SCD5: variants seen among roughly 807,000 people sequenced by gnomAD.
SCD5 encodes acyl-CoA-desaturase 4.
Under a neutral mutation model 30.4 loss-of-function variants are expected in SCD5, and 20 were observed. The ratio of observed to expected loss-of-function variants is 0.66; its 90% CI spans 0.46 to 0.96. The LOEUF is 0.96. SCD5 is among the 40% of genes least tolerant of loss of function. The probability of loss-of-function intolerance (pLI) is 0.00; values close to 1 mark genes in which losing one functional copy is unlikely to be tolerated. For synonymous variants in SCD5, 173 were observed against 176.4 expected (o/e 0.98, Z 0.16); for missense variants, 381 against 443.3 (o/e 0.86, Z 1.26).
chr4:82,697,065 G>T (rs1342924093), intron 2 of SCD5, among the ~76,000 whole-genome samples: 2 of 152,194 alleles, frequency 1.3e-5, no homozygotes, highest in Non-Finnish European at 2.9e-5. Context: ...AAGGTTGCGA[G>T]AAAATACATG....
chr4:82,663,754 A>T (rs904923094), intron 3 of SCD5, among the ~76,000 whole-genome samples: 2 of 152,196 alleles, frequency 1.3e-5, no homozygotes, highest in Admixed American at 1.3e-4. Context: ...AACTGAAGCA[A>T]AATTGTTTGT....
chr4:82,699,837 T>C (rs1442153745), intron 2 of SCD5, among the ~76,000 whole-genome samples: 1 of 151,924 alleles, frequency 6.6e-6, no homozygotes, highest in Non-Finnish European at 1.5e-5. Flanking sequence ...AATTTTTGTA[T>C]TTTTAGTAGA....
At chr4:82,732,767 A>G (rs185326323) in intron 1 of SCD5, among the ~76,000 whole-genome samples, 1 of 152,314 alleles carries the variant, frequency 6.6e-6, no homozygotes, top group African/African-American at 2.4e-5. Context: ...TCTGGGTACT[A>G]AAGACAGAAA....
chr4:82,640,126 C>T (rs1255459130), intron 3 of SCD5, among the ~76,000 whole-genome samples: 4 of 152,168 alleles, frequency 2.6e-5, no homozygotes, highest in African/African-American at 7.2e-5. Flanking sequence ...CCTGTGGAAT[C>T]GGCCTTCTCT....
At chr4:82,724,711 G>A (rs1720435973) in intron 1 of SCD5, among the ~76,000 whole-genome samples, 2 of 152,190 alleles carry the variant, frequency 1.3e-5, no homozygotes, top group African/African-American at 4.8e-5. Context: ...TGGAAGAACT[G>A]TTTTTAGGAC....
Position 82,681,779 on chromosome 4 carries a change from T to TA in SCD5, c.364-868dup, listed in dbSNP as rs912931322. On this transcript the variant is annotated intron_variant, in intron 2 of 4. Transcript: ENST00000319540. ...CACATGTACCTCTGAACTTAAAAGTTAAAAAAAATGAGGGAGAGATGTTCT... is the reference window on the plus strand; with the variant it reads ...CACATGTACCTCTGAACTTAAAAGTTAAAAAAAAATGAGGGAGAGATGTTCT... Among the ~76,000 whole-genome samples, 106 of 151,838 alleles carry TA rather than the reference T, an allele frequency of 7.0e-4. 1 individual carries two copies. The highest frequency in any genetic ancestry group is 3.4e-3 in the Middle Eastern group (1 of 294).
chr4:82,761,419 A>ATAAAGTG (rs1721362417), intron 1 of SCD5, among the ~76,000 whole-genome samples: 1 of 152,198 alleles, frequency 6.6e-6, no homozygotes, highest in African/African-American at 2.4e-5. Flanking sequence ...AGCAACTGAT[A>ATAAAGTG]GAGCCAGCTG....
intron 1 of SCD5, among the ~76,000 whole-genome samples, chr4:82,767,590 AC>A (rs1480297316): frequency 4.6e-5 from 7 of 152,170 alleles, no homozygotes; most frequent in Non-Finnish European, 8.8e-5. Flanking sequence ...AGAATGACAA[AC>A]CCAGGCCCTG....
intron 2 of SCD5, among the ~76,000 whole-genome samples, chr4:82,685,151 G>A (rs1728673755): frequency 6.6e-6 from 1 of 152,178 alleles, no homozygotes. Context: ...TTGGAATACT[G>A]AAGGGAGCTA....
chr4:82,670,657 T>TG (rs1728295151), intron 3 of SCD5, among the ~76,000 whole-genome samples: 3 of 151,708 alleles, frequency 2.0e-5, no homozygotes, highest in Non-Finnish European at 2.9e-5. Flanking sequence ...CAATTCCATA[T>TG]CAATTGATAT....
chr4:82,646,749 G>T (rs1727641439), intron 3 of SCD5, among the ~76,000 whole-genome samples: 1 of 152,192 alleles, frequency 6.6e-6, no homozygotes, highest in Non-Finnish European at 1.5e-5. Flanking sequence ...GCAGAGGGCA[G>T]ACCACTGCTT....
chr4:82,676,706 T>C (rs1030956208), intron 3 of SCD5, among the ~76,000 whole-genome samples: 5 of 152,188 alleles, frequency 3.3e-5, no homozygotes, highest in African/African-American at 1.2e-4. Context: ...CCATGTTCCT[T>C]TGGCCCTGTG....
chr4:82,708,536 C>A (rs1720013673), intron 1 of SCD5, among the ~76,000 whole-genome samples: 1 of 152,170 alleles, frequency 6.6e-6, no homozygotes, highest in Admixed American at 6.5e-5. Context: ...GATTCCAAGG[C>A]AGAAGTACCT....
chr4:82,654,296 T>G (rs560060045), intron 3 of SCD5, among the ~76,000 whole-genome samples: 4 of 152,340 alleles, frequency 2.6e-5, no homozygotes, highest in Non-Finnish European at 5.9e-5. Context: ...AGTAAGTGAC[T>G]TGGACAGGGA....
chr4:82,756,278 C>G (rs1721232233), intron 1 of SCD5, among the ~76,000 whole-genome samples: 1 of 152,194 alleles, frequency 6.6e-6, no homozygotes, highest in African/African-American at 2.4e-5. Context: ...CTCTCCTGCC[C>G]TCCTGGACCA....
In SCD5 at chr4:82,798,421, GCGCGCGC is replaced by G; in HGVS notation, c.110_116del (p.Gly37AlafsTer14). 1 of 1,613,196 alleles carries G rather than the reference GCGCGCGC, an allele frequency of 6.2e-7. No homozygotes were observed. The highest frequency in any genetic ancestry group is 8.5e-7 in the Non-Finnish European group (1 of 1,179,628). On this transcript the variant is annotated frameshift_variant, in exon 1 of 5. Transcript: ENST00000319540. LOFTEE classifies it high-confidence loss of function. The stretch of plus-strand genomic sequence containing the variant: ...TCCAGACGATGTTCTGCCGCTGCCC[GCGCGCGC>G]CTGGCCTCTCCGGGCCGCCGCCGCC...
intron 1 of SCD5, among the ~76,000 whole-genome samples, chr4:82,717,518 A>G (rs1288132792): frequency 6.6e-6 from 1 of 151,788 alleles, no homozygotes; most frequent in Non-Finnish European, 1.5e-5. Flanking sequence ...TTGGGCAGTA[A>G]GTTTGTGTGT....
At chr4:82,791,217 G>A (rs1015907846) in intron 1 of SCD5, among the ~76,000 whole-genome samples, 4 of 151,874 alleles carry the variant, frequency 2.6e-5, no homozygotes, top group Non-Finnish European at 2.9e-5. Context: ...CAGCCTAGGA[G>A]ACAGAGCAAG....
chr4:82,763,306 G>A (rs1420055288), intron 1 of SCD5, among the ~76,000 whole-genome samples: 1 of 152,184 alleles, frequency 6.6e-6, no homozygotes, highest in Non-Finnish European at 1.5e-5. Flanking sequence ...GAGGTCAGGA[G>A]TTCGAGACCA....
Sources: allele counts gnomAD v4.1 joint callset (sites outside exome capture counted in the v4.1 genomes callset), GRCh38; gene constraint gnomAD v4.1.1; transcripts MANE v1.5; gene names NCBI Gene and HGNC (gene_info 2026-07-23, HGNC 2026-07-21).